Variants in GSR observed in about 807,000 individuals in gnomAD.
GSR encodes glutathione reductase, mitochondrial.
A neutral mutation model predicts 56.5 loss-of-function variants in GSR; 48 were observed. The observed-to-expected ratio is 0.85, with a 90% CI of 0.67 to 1.08. The LOEUF is 1.08. Among genes scored for constraint, GSR ranks in the 50% least tolerant of loss-of-function variants. GSR has a pLI of 0.00. For synonymous variants in GSR, 264 were observed against 270.8 expected, an observed-to-expected ratio of 0.97 and a Z score of 0.25; for missense variants, 694 against 703.3, an observed-to-expected ratio of 0.99 and a Z score of 0.15.
chr8:30,685,531 T>A (rs1803131725), intron 9 of GSR, among the ~76,000 whole-genome samples: 1 of 152,224 alleles, frequency 6.6e-6, no homozygotes, highest in African/African-American at 2.4e-5. Flanking sequence ...CACATATTGA[T>A]GTTTCCCTTA....
intron 1 of GSR, among the ~76,000 whole-genome samples, chr8:30,717,542 C>G (rs1433783227): frequency 1.3e-5 from 2 of 152,140 alleles, no homozygotes; most frequent in African/African-American, 4.8e-5. Flanking sequence ...GCTCCACCCA[C>G]TTCCTTTCAG....
chr8:30,711,584 C>T (rs1804145200), intron 2 of GSR, among the ~76,000 whole-genome samples: 1 of 152,184 alleles, frequency 6.6e-6, no homozygotes, highest in Non-Finnish European at 1.5e-5. Flanking sequence ...ATAATCCCAG[C>T]ATTTTGGGAG....
intron 8 of GSR, among the ~76,000 whole-genome samples, chr8:30,691,682 A>G (rs2128740964): frequency 6.7e-6 from 1 of 149,258 alleles, no homozygotes; most frequent in South Asian, 2.1e-4. Context: ...TTCTATCTCA[A>G]AAAAAAAAAA....
At chr8:30,708,783 C>T (rs1255229841) in intron 3 of GSR, among the ~76,000 whole-genome samples, 2 of 151,446 alleles carry the variant, frequency 1.3e-5, no homozygotes, top group East Asian at 1.9e-4. Flanking sequence ...AGTGAAATCC[C>T]GTCTCTACTA....
chr8:30,693,815 CA>C, intron 7 of GSR, among the ~76,000 whole-genome samples: 1 of 152,270 alleles, frequency 6.6e-6, no homozygotes, highest in Non-Finnish European at 1.5e-5. Context: ...AGGTGTGAGC[CA>C]CCATGCCCAC....
intron 7 of GSR, among the ~76,000 whole-genome samples, chr8:30,696,045 A>G (rs557952933): frequency 6.6e-6 from 1 of 152,326 alleles, no homozygotes; most frequent in South Asian, 2.1e-4. Flanking sequence ...GTCTCAAAAA[A>G]TAAAAATAAA....
At chr8:30,710,373 AT>A (rs113400571) in intron 2 of GSR, among the ~76,000 whole-genome samples, 114 of 150,650 alleles carry the variant, frequency 7.6e-4, no homozygotes, top group African/African-American at 1.9e-3. Context: ...AACTTAAAAC[AT>A]TTTTTTTTAA....
At chr8:30,696,340 T>A (rs767879816) in intron 7 of GSR, 40 bp downstream of exon 7, 1 of 1,302,588 alleles carries the variant, frequency 7.7e-7, no homozygotes, top group Non-Finnish European at 1.1e-6. Context: ...ATTTTTTAAA[T>A]TAACATCAAG....
chr8:30,727,823 G>C lies in GSR; in HGVS notation c.13C>G (p.Pro5Ala). The C allele has an allele frequency of 8.0e-7, 1 of 1,246,894 alleles. No individual in the cohort carries two copies. The highest frequency in any genetic ancestry group is 1.6e-5 in the African/African-American group (1 of 63,452). The allele number at this position is 1,246,894 out of a possible 1,614,324, so 77.2% of individuals were successfully genotyped here. The change falls in exon 1 of 13, where the codon CCC (proline) becomes GCC (alanine). Residue 5 changes from proline (P) to alanine (A), a missense_variant. Coordinates refer to ENST00000221130, the MANE Select transcript of GSR (RefSeq NM_000637.5). MALL[P>A]RALSAGAGPS... ...CCCGCGCCGGCGCTCAGGGCTCGGG[G>C]CAGCAGGGCCATGCACGCGGAAGTG...
chr8:30,710,127 C>A (rs1804079138), intron 2 of GSR, among the ~76,000 whole-genome samples: 1 of 151,860 alleles, frequency 6.6e-6, no homozygotes, highest in Admixed American at 6.6e-5. Context: ...ACCAGCCTGG[C>A]CAACATGGCA....
intron 1 of GSR, among the ~76,000 whole-genome samples, chr8:30,715,064 G>C (rs1402421605): frequency 6.6e-6 from 1 of 152,056 alleles, no homozygotes; most frequent in African/African-American, 2.4e-5. Context: ...GATTGCTTGA[G>C]CCCAGGAGTT....
intron 1 of GSR, among the ~76,000 whole-genome samples, chr8:30,713,089 T>G (rs949541780): frequency 1.6e-4 from 24 of 151,746 alleles, no homozygotes; most frequent in Non-Finnish European, 3.1e-4. Flanking sequence ...CAGGCTGGAG[T>G]GCAATGGTGC....
intron 1 of GSR, among the ~76,000 whole-genome samples, chr8:30,726,632 G>A (rs8190889): frequency 0.026 from 4,017 of 151,978 alleles, 159 homozygotes; most frequent in African/African-American, 0.092. Flanking sequence ...GTGGTGATTA[G>A]CCCCCTGTAG....
chr8:30,726,119 G>A (rs1347157610), intron 1 of GSR, among the ~76,000 whole-genome samples: 1 of 152,124 alleles, frequency 6.6e-6, no homozygotes, highest in African/African-American at 2.4e-5. Flanking sequence ...GTGTCAAAGT[G>A]CAAGTTGATA....
chr8:30,716,481 A>G (rs1455135717), intron 1 of GSR, among the ~76,000 whole-genome samples: 1 of 152,212 alleles, frequency 6.6e-6, no homozygotes. Context: ...GCAACATGAC[A>G]TGACTTCAGC....
At chr8:30,716,992 C>T (rs933825547) in intron 1 of GSR, among the ~76,000 whole-genome samples, 4 of 152,028 alleles carry the variant, frequency 2.6e-5, no homozygotes, top group Non-Finnish European at 5.9e-5. Context: ...AATCCCAGCA[C>T]TTCGGGAGGC....
chr8:30,684,471 G>C (rs1803087901), intron 9 of GSR, among the ~76,000 whole-genome samples: 1 of 152,060 alleles, frequency 6.6e-6, no homozygotes. Flanking sequence ...GGGCAACACA[G>C]TGAGACCCTG....
chr8:30,691,173 T>C (rs1184304640), intron 8 of GSR, among the ~76,000 whole-genome samples: 1 of 151,970 alleles, frequency 6.6e-6, no homozygotes, highest in Non-Finnish European at 1.5e-5. Flanking sequence ...AAGACCAGCC[T>C]GCCAACATGG....
intron 2 of GSR, 34 bp from the exon 3 acceptor site, chr8:30,709,936 A>C: frequency 1.7e-6 from 2 of 1,156,818 alleles, no homozygotes; most frequent in Non-Finnish European, 2.6e-6. Context: ...GATCCAAAAC[A>C]GCAGTAAATC....
Sources: gnomAD v4.1 joint callset for allele counts (sites outside exome capture counted in the v4.1 genomes callset) on GRCh38, gnomAD v4.1.1 for gene constraint, MANE v1.5 for transcripts, NCBI Gene and HGNC (gene_info 2026-07-23, HGNC 2026-07-21) for gene names.